The following SLCO2A1 variants were observed in gnomAD, a reference collection of about 807,000 sequenced individuals.
SLCO2A1 encodes solute carrier organic anion transporter family member 2A1.
SLCO2A1 carries 60 observed loss-of-function variants against 71.7 expected under a neutral mutation model. The observed-to-expected ratio is 0.84, with a 90% CI of 0.68 to 1.04. SLCO2A1 has a LOEUF of 1.04. SLCO2A1 is among the 50% of genes least tolerant of loss of function. The probability of loss-of-function intolerance (pLI) is 0.00; values close to 1 mark genes in which losing one functional copy is unlikely to be tolerated. For missense variants in SLCO2A1, 745 were observed against 813.4 expected (o/e 0.92, Z 1.02); for synonymous variants, 308 against 326.7 (o/e 0.94, Z 0.62).
chr3:134,012,299 T>A (rs554442724), intron 1 of SLCO2A1, among the ~76,000 whole-genome samples: 2 of 152,164 alleles, frequency 1.3e-5, no homozygotes, highest in East Asian at 3.9e-4. Context: ...GACCAGGAAG[T>A]AATGGGTTCT....
At chr3:133,984,601 T>C (rs906837138) in intron 1 of SLCO2A1, among the ~76,000 whole-genome samples, 2 of 152,176 alleles carry the variant, frequency 1.3e-5, no homozygotes, top group African/African-American at 4.8e-5. Flanking sequence ...TGCTCGAACT[T>C]ACCAAGTACC....
rs750003675 is a variant in SLCO2A1, at chr3:133,942,777, G to A, written c.1462-9C>T. On this transcript the variant is annotated splice_polypyrimidine_tract_variant and intron_variant, in intron 10 of 13. Transcript: ENST00000310926. ...CTGCAGTTCAAATAGATCTTCAAGA[G>A]GAAGGGGAGGGAAAAAGGGGGAAAT... The A allele has an allele frequency of 3.7e-5, 59 of 1,589,316 alleles. No individual in the cohort carries two copies. The highest frequency in any genetic ancestry group is 3.9e-5 in the Non-Finnish European group (46 of 1,166,752).
intron 1 of SLCO2A1, among the ~76,000 whole-genome samples, chr3:134,014,817 G>A (rs1935413475): frequency 6.6e-6 from 1 of 152,176 alleles, no homozygotes; most frequent in Non-Finnish European, 1.5e-5. Context: ...TGTGGCATTG[G>A]ATGAGCCTTG....
chr3:133,983,715 A>C (rs886263686), intron 1 of SLCO2A1, among the ~76,000 whole-genome samples: 6 of 152,212 alleles, frequency 3.9e-5, no homozygotes, highest in African/African-American at 1.4e-4. Flanking sequence ...GCTTCTAAAA[A>C]TCCCAGCACC....
At chr3:133,997,720 T>C (rs925805664) in intron 1 of SLCO2A1, among the ~76,000 whole-genome samples, 6 of 152,116 alleles carry the variant, frequency 3.9e-5, no homozygotes, top group African/African-American at 1.4e-4. Flanking sequence ...AGCCACCAAG[T>C]TTGTGGTATT....
At chr3:133,970,872 A>T (rs951910122) in intron 3 of SLCO2A1, among the ~76,000 whole-genome samples, 3 of 152,246 alleles carry the variant, frequency 2.0e-5, no homozygotes, top group African/African-American at 4.8e-5. Flanking sequence ...TCTTTCCTCT[A>T]TCAGAAGATT....
At chr3:133,971,995 A>C (rs1934338144) in intron 3 of SLCO2A1, among the ~76,000 whole-genome samples, 1 of 152,220 alleles carries the variant, frequency 6.6e-6, no homozygotes, top group Non-Finnish European at 1.5e-5. Flanking sequence ...AAACTCAAGG[A>C]GGTAATCCAC....
chr3:134,002,979 T>C (rs1935133967), intron 1 of SLCO2A1, among the ~76,000 whole-genome samples: 1 of 152,216 alleles, frequency 6.6e-6, no homozygotes, highest in East Asian at 1.9e-4. Context: ...CACCTGGGCA[T>C]GGGAACTCCA....
intron 1 of SLCO2A1, among the ~76,000 whole-genome samples, chr3:133,988,497 G>C (rs972860345): frequency 1.3e-5 from 2 of 152,194 alleles, no homozygotes; most frequent in African/African-American, 4.8e-5. Context: ...TCCCTAAAAT[G>C]TATAAAACCA....
chr3:133,996,560 G>T (rs1934970568), intron 1 of SLCO2A1, among the ~76,000 whole-genome samples: 1 of 152,190 alleles, frequency 6.6e-6, no homozygotes, highest in Non-Finnish European at 1.5e-5. Flanking sequence ...ACTGGCAGAG[G>T]CGGCGGCTCC....
At chr3:133,942,543 G>A (rs1293606692) in intron 11 of SLCO2A1, 62 bp downstream of exon 11, 5 of 1,526,038 alleles carry the variant, frequency 3.3e-6, no homozygotes, top group Non-Finnish European at 4.4e-6. Flanking sequence ...TAGGCGCAAA[G>A]TCAAAGGGAG....
At chr3:133,971,133 C>T (rs949881794) in intron 3 of SLCO2A1, among the ~76,000 whole-genome samples, 2 of 152,214 alleles carry the variant, frequency 1.3e-5, no homozygotes, top group Non-Finnish European at 2.9e-5. Flanking sequence ...GCCCTCCCCT[C>T]GGCCTGGCCA....
chr3:133,973,465 G>A (rs561978273), intron 3 of SLCO2A1, among the ~76,000 whole-genome samples, 198 bp downstream of exon 3: 6 of 152,346 alleles, frequency 3.9e-5, no homozygotes, highest in African/African-American at 1.4e-4. Flanking sequence ...ATCACAGCAG[G>A]AGGTGAGCCA....
intron 9 of SLCO2A1, 149 bp from the exon 10 acceptor site, chr3:133,945,409 G>T: frequency 1.4e-6 from 1 of 737,018 alleles, no homozygotes; most frequent in Non-Finnish European, 2.2e-6. Context: ...TCTGAATTAT[G>T]CCTGGTGGAG....
intron 1 of SLCO2A1, among the ~76,000 whole-genome samples, chr3:133,990,276 C>A (rs1934810284): frequency 6.6e-5 from 10 of 152,206 alleles, no homozygotes. Flanking sequence ...CTCCCTCCTT[C>A]TTCAGTTTTT....
chr3:133,947,497 G>T (rs1933618050), intron 8 of SLCO2A1, 52 bp from the exon 9 acceptor site: 9 of 1,488,090 alleles, frequency 6.0e-6, no homozygotes, highest in Admixed American at 1.9e-5. Flanking sequence ...GGGACTGCAT[G>T]TGGGCTACAA....
At chr3:133,977,441 G>A (rs4241363) in intron 2 of SLCO2A1, among the ~76,000 whole-genome samples, 73,886 of 152,044 alleles carry the variant, frequency 0.49, 18,593 homozygotes, top group East Asian at 0.7. Context: ...GAGGAATCCA[G>A]TTGTTTCCGG....
At chr3:133,954,840 C>T in intron 4 of SLCO2A1, 126 bp downstream of exon 4, 1 of 709,938 alleles carries the variant, frequency 1.4e-6, no homozygotes, top group Non-Finnish European at 2.3e-6. Context: ...ATCCCCAGGC[C>T]TCTGAACTCA....
chr3:134,000,964 C>G (rs1479607806), intron 1 of SLCO2A1, among the ~76,000 whole-genome samples: 2 of 152,200 alleles, frequency 1.3e-5, no homozygotes, highest in Non-Finnish European at 2.9e-5. Context: ...CTGTTCCTAA[C>G]AGAACTTCTC....
Sources: allele counts gnomAD v4.1 joint callset (sites outside exome capture counted in the v4.1 genomes callset), GRCh38; gene constraint gnomAD v4.1.1; transcripts MANE v1.5; gene names NCBI Gene and HGNC (gene_info 2026-07-23, HGNC 2026-07-21).